The following GATA4 variants were observed in gnomAD, a reference collection of about 807,000 sequenced individuals.
GATA4 encodes the protein GATA binding protein 4, also known as transcription factor GATA-4.
GATA4 carries 7 observed loss-of-function variants against 37.9 expected under a neutral mutation model. The ratio of observed to expected loss-of-function variants is 0.18; its 90% confidence interval spans 0.11 to 0.35. The LOEUF (loss-of-function observed/expected upper bound fraction) is 0.35. Among genes scored for constraint, GATA4 ranks in the 10% least tolerant of loss-of-function variants. The pLI, the probability that GATA4 is intolerant of heterozygous loss-of-function variation, is 1.00. For synonymous variants in GATA4, 372 were observed against 292.6 expected, an observed-to-expected ratio of 1.27 and a Z score of -2.77; for missense variants, 647 against 653.0, an observed-to-expected ratio of 0.99 and a Z score of 0.10.
chr8:11,691,875 C>T (rs1043485402), upstream of GATA4: 1 of 245,460 alleles, frequency 4.1e-6, no homozygotes, highest in Non-Finnish European at 6.5e-6. Flanking sequence ...AATTTAGGAC[C>T]TTTCCCAGTC....
intron 1 of GATA4, among the ~76,000 whole-genome samples, chr8:11,678,237 G>T (rs1031593313): frequency 6.6e-6 from 1 of 151,994 alleles, no homozygotes; most frequent in Non-Finnish European, 1.5e-5. Context: ...CCCAGCAAGC[G>T]CTCTTCTGGA....
intron 2 of GATA4, among the ~76,000 whole-genome samples, chr8:11,742,642 C>T (rs1051149045): frequency 1.3e-5 from 2 of 152,206 alleles, no homozygotes; most frequent in South Asian, 2.1e-4. Flanking sequence ...CCGGCCGGAG[C>T]GCCGCTGGAG....
intron 2 of GATA4, among the ~76,000 whole-genome samples, chr8:11,721,362 A>G (rs1489402663): frequency 2.0e-5 from 3 of 149,060 alleles, no homozygotes; most frequent in African/African-American, 7.5e-5. Context: ...TGCAAGCAGA[A>G]GCACGGCGTT....
At chr8:11,694,614 C>A in intron 1 of GATA4, 3 of 644,106 alleles carry the variant, frequency 4.7e-6, no homozygotes, top group Non-Finnish European at 5.8e-6. Flanking sequence ...AGAGGAAACA[C>A]AATATTTTGT....
chr8:11,721,942 C>T (rs1314994557), intron 2 of GATA4, among the ~76,000 whole-genome samples: 1 of 152,196 alleles, frequency 6.6e-6, no homozygotes, highest in Non-Finnish European at 1.5e-5. Context: ...CTTTCTTTCT[C>T]ATTTGAACCT....
chr8:11,755,067 C>T lies in GATA4; in HGVS notation c.934C>T (p.Arg312Trp), dbSNP rs138404762. Reference protein sequence around the residue: ...LHGVPRPLAMRKEGIQTRKRK... With the variant: ...LHGVPRPLAMWKEGIQTRKRK... ...CCAGGTCCCCAGGCCTCTTGCAATG[C>T]GGAAAGAGGGGATCCAAACCAGAAA... is the stretch of plus-strand genomic sequence containing the variant. The change falls in exon 5 of 7, where the codon CGG becomes TGG. Residue 312 changes from arginine (R) to tryptophan (W), a missense_variant. This residue lies in a region of GATA4 where 21 missense variants were observed against 62.6 expected (regional missense o/e 0.34). Transcript: ENST00000532059. The T allele has an allele frequency of 2.1e-5, 34 of 1,613,788 alleles. No homozygotes were observed. The highest frequency in any genetic ancestry group is 2.7e-5 in the African/African-American group (2 of 74,886).
intron 1 of GATA4, among the ~76,000 whole-genome samples, chr8:11,698,891 G>A (rs1306645590): frequency 1.3e-5 from 2 of 152,116 alleles, no homozygotes; most frequent in Admixed American, 1.3e-4. Flanking sequence ...CCACCAGGGA[G>A]ATTTGTGCCA....
upstream of GATA4, among the ~76,000 whole-genome samples, chr8:11,690,043 C>G (rs1039217004): frequency 6.6e-6 from 1 of 152,218 alleles, no homozygotes; most frequent in Non-Finnish European, 1.5e-5. Context: ...GGACCAGAAT[C>G]CTTGAAGTCC....
rs1162623743 is a variant in GATA4, at chr8:11,756,945, CAGT to C, written c.1012_1014del (p.Ser338del). 35 of 1,614,236 alleles carry C rather than the reference CAGT, an allele frequency of 2.2e-5. No homozygotes were observed. Among genetic ancestry groups the C allele is most frequent in the Non-Finnish European group, 2.8e-5 (33 of 1,180,048 alleles). On this transcript the variant is annotated inframe_deletion, in exon 6 of 7. Transcript: ENST00000532059. The stretch of plus-strand genomic sequence containing the variant: ...TCTGCTTCATTCCAGCTCCTTCAGG[CAGT>C]GAGAGCCTTCCTCCCGCCAGCGGTG...
intron 1 of GATA4, chr8:11,693,110 TC>T (rs1285260931): frequency 1.0e-6 from 1 of 970,884 alleles, no homozygotes; most frequent in African/African-American, 1.8e-5. Flanking sequence ...CACTTCTTAA[TC>T]CCAGTGTCTG....
At chr8:11,740,991 C>T (rs1416976450) in intron 2 of GATA4, among the ~76,000 whole-genome samples, 1 of 152,100 alleles carries the variant, frequency 6.6e-6, no homozygotes, top group Admixed American at 6.5e-5. Context: ...GCTTCGGCCT[C>T]CCAAAGTGCT....
At chr8:11,687,685 C>G (rs1174697502), upstream of GATA4, among the ~76,000 whole-genome samples, 1 of 152,148 alleles carries the variant, frequency 6.6e-6, no homozygotes, top group Non-Finnish European at 1.5e-5. Flanking sequence ...CTCAAAATGC[C>G]TTGCTCTAAC....
At chr8:11,743,996 T>G (rs1281867350) in intron 2 of GATA4, among the ~76,000 whole-genome samples, 1 of 152,210 alleles carries the variant, frequency 6.6e-6, no homozygotes, top group Non-Finnish European at 1.5e-5. Context: ...TAATCATTAA[T>G]TAATACTTCC....
chr8:11,702,872 G>A (rs1274966648), upstream of GATA4, among the ~76,000 whole-genome samples: 1 of 152,216 alleles, frequency 6.6e-6, no homozygotes, highest in African/African-American at 2.4e-5. The surrounding 1 kb of genome is among the most constrained non-coding windows in gnomAD (Gnocchi z 4.4). Flanking sequence ...ATTCAGGGAA[G>A]AGAATTCCCC....
chr8:11,720,710 T>C (rs752907542), intron 2 of GATA4, among the ~76,000 whole-genome samples: 6 of 152,220 alleles, frequency 3.9e-5, no homozygotes, highest in Non-Finnish European at 8.8e-5. Context: ...TTAGTTTCCT[T>C]TCCTGCATTA....
At position 11,741,889 on chromosome 8, in the gene GATA4, G is replaced by A. The variant is rs559383211; in HGVS notation, c.617-7027G>A. On this transcript the variant is annotated intron_variant, in intron 2 of 6. Coordinates refer to ENST00000532059, the MANE Select transcript of GATA4 (RefSeq NM_001308093.3). ...GATTTTCCATCTGCTGCCAGCTTTT[G>A]CCGCTGGGGAAGGGGTCAGGGATGG... 9.2e-5 allele frequency among the ~76,000 whole-genome samples: 14 copies of A among 152,342 alleles called. No homozygotes were observed. The South Asian group carries it at 2.9e-3, about 32-fold the overall frequency.
At chr8:11,731,333 T>C (rs985535721) in intron 2 of GATA4, among the ~76,000 whole-genome samples, 3 of 152,264 alleles carry the variant, frequency 2.0e-5, no homozygotes, top group African/African-American at 7.2e-5. Flanking sequence ...GGAAGTAGCC[T>C]AGGTGTCCAT....
At position 11,755,233 on chromosome 8, in the gene GATA4, CA is replaced by C. The variant is rs756398142; in HGVS notation, c.1000+101del. On this transcript the variant is annotated intron_variant, in intron 5 of 6. Transcript: ENST00000532059. ...GGTTAGGCAGGCCAGCCCGGGCCGC[CA>C]GGGGGTGGTGACAGCATCGGACATC... is the stretch of plus-strand genomic sequence containing the variant. 6.3e-5 allele frequency: 59 copies of C among 941,362 alleles called. 1 individual carries two copies. The highest frequency in any genetic ancestry group is 9.3e-5 in the Non-Finnish European group (55 of 593,582). The allele number at this position is 941,362 out of a possible 1,614,324, so 58.3% of individuals were successfully genotyped here.
At chr8:11,685,431 G>C (rs934195586) in intron 1 of GATA4, among the ~76,000 whole-genome samples, 2 of 152,200 alleles carry the variant, frequency 1.3e-5, no homozygotes, top group Non-Finnish European at 2.9e-5. Context: ...TTTTGAGAGA[G>C]GTGAGGAAGA....
Sources: gnomAD v4.1 joint callset for allele counts (sites outside exome capture counted in the v4.1 genomes callset) on GRCh38, gnomAD v4.1.1 for gene constraint, gnomAD v4.1.1 regional missense constraint, Gnocchi (gnomAD v3.1) non-coding constraint, MANE v1.5 for transcripts, NCBI Gene and HGNC (gene_info 2026-07-23, HGNC 2026-07-21) for gene names.